EPHA6: variants seen among roughly 807,000 people sequenced by gnomAD.
EPHA6 encodes the protein EPH receptor A6, also known as ephrin type-A receptor 6.
Under a neutral mutation model 112.0 loss-of-function variants are expected in EPHA6, and 50 were observed. That is an observed-to-expected ratio of 0.45 (90% confidence interval 0.36 to 0.56). EPHA6 has a LOEUF of 0.56. Ranked by LOEUF, EPHA6 falls within the 20% of genes least tolerant of loss-of-function variation. The pLI is 0.00. For synonymous variants in EPHA6, 529 were observed against 490.7 expected (o/e 1.08, Z -1.03); for missense variants, 1,280 against 1,417.4 (o/e 0.90, Z 1.56).
At chr3:97,475,265 G>A in intron 7 of EPHA6, 87 bp from the exon 8 acceptor site, 3 of 950,610 alleles carry the variant, frequency 3.2e-6, no homozygotes, top group South Asian at 3.1e-5. Flanking sequence ...ATCCGTTATT[G>A]TATTTTCTAG....
chr3:97,645,980 G>T, intron 14 of EPHA6: 1 of 515,502 alleles, frequency 1.9e-6, no homozygotes, highest in Non-Finnish European at 3.1e-6. Flanking sequence ...TGGGTTTTGT[G>T]GGGCAGTTGT....
intron 1 of EPHA6, among the ~76,000 whole-genome samples, chr3:96,846,026 A>C (rs2035054171): frequency 6.6e-6 from 1 of 152,086 alleles, no homozygotes; most frequent in Non-Finnish European, 1.5e-5. Context: ...CAATGCTTAC[A>C]TCTGTTAAAC....
intron 1 of EPHA6, among the ~76,000 whole-genome samples, chr3:96,846,994 A>G (rs945137636): frequency 1.4e-4 from 21 of 152,072 alleles, no homozygotes; most frequent in Non-Finnish European, 2.5e-4. Context: ...TAGCAATAGT[A>G]ACAGTCTGTC....
intron 5 of EPHA6, among the ~76,000 whole-genome samples, chr3:97,279,944 GATGAGATCTTGGCTCACTGCA>G (rs1311447872): frequency 8.5e-5 from 13 of 152,126 alleles, no homozygotes; most frequent in African/African-American, 3.1e-4. Flanking sequence ...GGAGTACAGT[GATGAGATCTTGGCTCACTGCA>G]ATCTCTGCCT....
intron 16 of EPHA6, among the ~76,000 whole-genome samples, chr3:97,746,160 G>A (rs2035707066): frequency 6.6e-6 from 1 of 151,716 alleles, no homozygotes. Context: ...CAAAGTAAAT[G>A]AAAGTTGAAC....
In EPHA6 at chr3:97,371,813, C is replaced by G. The variant is rs182861035; in HGVS notation, c.1607-33337C>G. Among the ~76,000 whole-genome samples, 809 of 152,192 alleles carry G rather than the reference C, an allele frequency of 5.3e-3. 6 individuals carry two copies. Among genetic ancestry groups the G allele is most frequent in the Non-Finnish European group, 9.2e-3 (623 of 68,010 alleles). On this transcript the variant is annotated intron_variant, in intron 5 of 17. Coordinates refer to ENST00000389672, the MANE Select transcript of EPHA6 (RefSeq NM_001080448.3). ...AGAATGCATGCCTAGGGGTAGGCCT[C>G]TAAAGTGGCTGCTCTGGGGACGTCT...
chr3:97,728,335 A>T (rs528744896), intron 15 of EPHA6, among the ~76,000 whole-genome samples: 4 of 152,192 alleles, frequency 2.6e-5, no homozygotes, highest in Admixed American at 2.6e-4. Context: ...AGAAAAAAAA[A>T]TAGTCTCAGA....
chr3:97,211,001 T>G (rs1238847914), intron 3 of EPHA6, among the ~76,000 whole-genome samples: 1 of 152,184 alleles, frequency 6.6e-6, no homozygotes, highest in East Asian at 1.9e-4. Context: ...GTCTTCCTCC[T>G]GCCACATGGG....
At chr3:97,004,623 G>C (rs1223009703) in intron 3 of EPHA6, among the ~76,000 whole-genome samples, 1 of 152,130 alleles carries the variant, frequency 6.6e-6, no homozygotes, top group African/African-American at 2.4e-5. Flanking sequence ...TAATTTTGCT[G>C]TTCAGAAGCT....
intron 5 of EPHA6, among the ~76,000 whole-genome samples, chr3:97,298,612 C>A (rs2080965581): frequency 6.6e-6 from 1 of 151,942 alleles, no homozygotes; most frequent in Non-Finnish European, 1.5e-5. Flanking sequence ...ATGATTCAAT[C>A]TTAATTACCA....
At chr3:97,338,230 A>G (rs1260859988) in intron 5 of EPHA6, among the ~76,000 whole-genome samples, 1 of 152,084 alleles carries the variant, frequency 6.6e-6, no homozygotes, top group South Asian at 2.1e-4. Context: ...TCCTATGCCA[A>G]TTAGAACCAA....
rs755651627 is a variant in EPHA6, at chr3:96,892,952, A to ATGTGTGTGTGTG, written c.450+26064_450+26065insGTGTGTGTGTGT. 3.0e-3 allele frequency among the ~76,000 whole-genome samples: 420 copies of ATGTGTGTGTGTG among 140,852 alleles called. 3 individuals carry two copies. The highest frequency in any genetic ancestry group is 0.011 in the African/African-American group (381 of 33,256). The allele number at this position is 140,852 out of a possible 152,430, so 92.4% of individuals were successfully genotyped here. On this transcript the variant is annotated intron_variant, in intron 2 of 17. Coordinates refer to ENST00000389672, the MANE Select transcript of EPHA6 (RefSeq NM_001080448.3). ...GCCTGATTCCAACTTATATATATATATATGTGTGTGTGTGTGTGTGTGTGT... is the reference window on the plus strand; with the variant it reads ...GCCTGATTCCAACTTATATATATATATGTGTGTGTGTGTATGTGTGTGTGTGTGTGTGTGTGT...
At chr3:97,688,998 T>C (rs2032463184) in intron 14 of EPHA6, among the ~76,000 whole-genome samples, 1 of 152,228 alleles carries the variant, frequency 6.6e-6, no homozygotes, top group South Asian at 2.1e-4. Flanking sequence ...AATATAGTTT[T>C]ACCTTTCTTC....
intron 1 of EPHA6, among the ~76,000 whole-genome samples, chr3:96,843,807 C>T (rs902873119): frequency 2.6e-5 from 4 of 151,868 alleles, no homozygotes; most frequent in African/African-American, 9.7e-5. Flanking sequence ...AAAAGTATGC[C>T]TTAACAATGA....
chr3:96,964,572 G>A (rs927207139), intron 2 of EPHA6, among the ~76,000 whole-genome samples: 1 of 152,030 alleles, frequency 6.6e-6, no homozygotes, highest in Non-Finnish European at 1.5e-5. Flanking sequence ...TACGATCTGT[G>A]TTTGTTGCTA....
At chr3:97,235,705 T>C (rs1490452138) in intron 4 of EPHA6, among the ~76,000 whole-genome samples, 1 of 152,146 alleles carries the variant, frequency 6.6e-6, no homozygotes, top group Non-Finnish European at 1.5e-5. Context: ...CTTTCACATC[T>C]ACAACCCTTC....
At chr3:97,321,918 A>G (rs2108785447) in intron 5 of EPHA6, among the ~76,000 whole-genome samples, 1 of 152,220 alleles carries the variant, frequency 6.6e-6, no homozygotes, top group South Asian at 2.1e-4. Flanking sequence ...AATGTTATTA[A>G]GAATGTTAAG....
At chr3:97,229,251 A>G (rs1002228445) in intron 4 of EPHA6, among the ~76,000 whole-genome samples, 3 of 152,018 alleles carry the variant, frequency 2.0e-5, no homozygotes, top group Non-Finnish European at 2.9e-5. Flanking sequence ...TTTGGTTTTC[A>G]TTGCATTTGC....
intron 14 of EPHA6, among the ~76,000 whole-genome samples, chr3:97,704,290 A>G (rs576871914): frequency 2.6e-5 from 4 of 152,196 alleles, no homozygotes; most frequent in African/African-American, 4.8e-5. Flanking sequence ...AGCAAAGAAG[A>G]TCTGCCCTCA....
Sources: allele counts gnomAD v4.1 joint callset (sites outside exome capture counted in the v4.1 genomes callset), GRCh38; gene constraint gnomAD v4.1.1; transcripts MANE v1.5; gene names NCBI Gene and HGNC (gene_info 2026-07-23, HGNC 2026-07-21).